MOV10L1: variants seen among roughly 807,000 people sequenced by gnomAD.
MOV10L1 encodes RNA helicase Mov10l1.
In MOV10L1, 110 loss-of-function variants were observed where a neutral mutation model predicts 143.8. The ratio of observed to expected loss-of-function variants is 0.76; its 90% CI spans 0.66 to 0.90. MOV10L1 has a LOEUF of 0.90. Ranked by LOEUF, MOV10L1 falls within the 40% of genes least tolerant of loss-of-function variation. The pLI is 0.00. For synonymous variants in MOV10L1, 593 were observed against 581.1 expected (o/e 1.02, Z -0.29); for missense variants, 1,406 against 1,526.8 (o/e 0.92, Z 1.32).
rs771548720 is a variant in MOV10L1 at position 50,161,400 on chromosome 22, C to T, written c.3587C>T (p.Pro1196Leu). The T allele has an allele frequency of 1.2e-6, 2 of 1,601,628 alleles. No individual in the cohort carries two copies. The highest frequency in any genetic ancestry group is 3.4e-5 in the Admixed American group (2 of 58,406). Residue 1196 changes from proline to leucine, a missense_variant, in exon 27 of 27, where the codon CCA becomes CTA. By Grantham distance (98) the Pro-to-Leu change is moderately conservative (BLOSUM62 -3). This residue lies in a region of MOV10L1 where 1,233 missense variants were observed against 1,351.4 expected (regional missense o/e 0.91). Transcript: ENST00000262794. Reference sequence around the variant, plus strand: ...GAGGGGGTGGCAGACCCCTCCTACCCAGTGGTGCCAGAATCCACAGGACCA... The same window carrying T: ...GAGGGGGTGGCAGACCCCTCCTACCTAGTGGTGCCAGAATCCACAGGACCA... ...CGEGVADPSY[P>L]VVPESTGPEK...
chr22:50,105,359 C>T (rs2061842138), intron 3 of MOV10L1, among the ~76,000 whole-genome samples: 1 of 152,196 alleles, frequency 6.6e-6, no homozygotes, highest in Non-Finnish European at 1.5e-5. Context: ...CTCAGCGTCT[C>T]AGGGCCATTC....
rs781376625 is a variant in MOV10L1 at position 50,108,483 on chromosome 22, A to G, written c.556-174A>G. The G allele has an allele frequency of 1.4e-5, 11 of 772,754 alleles. No homozygotes were observed. The African/African-American group carries it at 1.5e-4, about 11-fold the overall frequency. The allele number at this position is 772,754 out of a possible 1,614,324, so 47.9% of individuals were successfully genotyped here. A position where few individuals can be genotyped will look rare whatever the true frequency, so the allele number is the denominator to read the frequency against. ...TCTGTAGCTTATGCAACAGTGCTAA[A>G]ATGTTCTAAGGAGAAAGGTGTGTTG... On this transcript the variant is annotated intron_variant, in intron 4 of 26. Coordinates refer to ENST00000262794, the MANE Select transcript of MOV10L1 (RefSeq NM_018995.3).
chr22:50,140,947 A>G (rs2062966514), intron 15 of MOV10L1, among the ~76,000 whole-genome samples: 2 of 152,248 alleles, frequency 1.3e-5, no homozygotes, highest in Non-Finnish European at 2.9e-5. Flanking sequence ...GAAGTTATTT[A>G]ACAAAGAATT....
At chr22:50,106,381 G>A (rs938025378) in intron 3 of MOV10L1, among the ~76,000 whole-genome samples, 5 of 141,346 alleles carry the variant, frequency 3.5e-5, no homozygotes, top group Non-Finnish European at 7.5e-5. Context: ...GCCCAGGCTG[G>A]TCTCAAACTC....
intron 19 of MOV10L1, among the ~76,000 whole-genome samples, chr22:50,148,316 G>A (rs1157012082): frequency 2.6e-5 from 4 of 152,234 alleles, no homozygotes; most frequent in Non-Finnish European, 4.4e-5. Context: ...GGAAGCCGGG[G>A]CACCTGTTCC....
Position 50,158,210 on chromosome 22 carries a change from C to CGCCCT in MOV10L1, c.3216+9_3216+13dup, listed in dbSNP as rs1569054588. 1 of 1,614,056 alleles carries CGCCCT rather than the reference C, an allele frequency of 6.2e-7. No homozygotes were observed. On this transcript the variant is annotated splice_donor_region_variant and intron_variant, in intron 23 of 26. Coordinates refer to ENST00000262794, the MANE Select transcript of MOV10L1 (RefSeq NM_018995.3). The surrounding 1 kb of genome is among the most constrained non-coding windows in gnomAD (Gnocchi z 5.0). ...CATCACGCCCTACCGGAAGCAGGTA[C>CGCCCT]GCCCTGCCCAGGCACGCCTGGTTCT...
At chr22:50,093,144 G>C (rs2062498090) in intron 2 of MOV10L1, 1 of 152,104 alleles carries the variant, frequency 6.6e-6, no homozygotes, top group South Asian at 2.1e-4. Context: ...CTCGTGATCT[G>C]CCCACCTCAG....
rs188712041 is a variant in MOV10L1 at position 50,102,489 on chromosome 22, G to C, written c.442+2887G>C. Among the ~76,000 whole-genome samples, 529 of 152,346 alleles carry C rather than the reference G, an allele frequency of 3.5e-3. 13 individuals carry two copies. Among genetic ancestry groups the C allele is most frequent in the Middle Eastern group, 6.8e-3 (2 of 294 alleles). ...TCATTTGCTTGTGGGAGAGTCAGAA[G>C]ATGCTGTTTCCTTCTTGACGTTAAT... On this transcript the variant is annotated intron_variant, in intron 3 of 26. Transcript: ENST00000262794.
Position 50,134,066 on chromosome 22 carries a change from G to GTAT in MOV10L1, c.1969+4_1969+6dup, listed in dbSNP as rs2062753419. On this transcript the variant is annotated splice_donor_variant, in intron 14 of 26. Transcript: ENST00000262794. LOFTEE classifies it high-confidence loss of function. ...CACGTCATCCACTTAGGTGTAAAAG[G>GTAT]TATTACTTTTATAGAATGATAGTGT... 1.2e-6 allele frequency: 2 copies of GTAT among 1,605,022 alleles called. No homozygotes were observed. The highest frequency in any genetic ancestry group is 3.5e-5 in the Admixed American group (2 of 57,888).
intron 10 of MOV10L1, among the ~76,000 whole-genome samples, 199 bp from the exon 11 acceptor site, chr22:50,125,193 G>A (rs1486185753): frequency 2.6e-5 from 4 of 152,222 alleles, no homozygotes; most frequent in Non-Finnish European, 5.9e-5. Context: ...CAAAGGCCAG[G>A]GAGTGTGCTG....
intron 13 of MOV10L1, 33 bp downstream of exon 13, chr22:50,128,540 C>CTTT (rs36022529): frequency 1.6e-3 from 764 of 487,048 alleles, no homozygotes; most frequent in African/African-American, 3.8e-3. Flanking sequence ...TTTCAAATGT[C>CTTT]TTTTTTTTTT....
intron 13 of MOV10L1, among the ~76,000 whole-genome samples, chr22:50,132,047 C>T (rs1283770943): frequency 2.6e-5 from 4 of 152,158 alleles, no homozygotes; most frequent in Non-Finnish European, 5.9e-5. Flanking sequence ...TGGGAGAGCT[C>T]TCTGTGCTCC....
chr22:50,104,429 G>C (rs1216787995), intron 3 of MOV10L1, among the ~76,000 whole-genome samples: 3 of 152,176 alleles, frequency 2.0e-5, no homozygotes, highest in African/African-American at 7.2e-5. Flanking sequence ...CTCCCTGCCT[G>C]GTGCCCTTTG....
intron 3 of MOV10L1, among the ~76,000 whole-genome samples, chr22:50,100,110 G>T (rs189393757): frequency 1.6e-3 from 239 of 152,144 alleles, no homozygotes; most frequent in Non-Finnish European, 2.9e-3. Context: ...TCCTGCCTCA[G>T]CCTCCTGAGT....
chr22:50,137,832 T>TA (rs1555887383), intron 15 of MOV10L1, among the ~76,000 whole-genome samples: 1 of 64,774 alleles, frequency 1.5e-5, no homozygotes, highest in African/African-American at 3.9e-5. Flanking sequence ...TATACATATT[T>TA]TATATATACA....
At chr22:50,123,845 A>C in intron 10 of MOV10L1, among the ~76,000 whole-genome samples, 1 of 152,316 alleles carries the variant, frequency 6.6e-6, no homozygotes, top group East Asian at 1.9e-4. Flanking sequence ...TAATTGGTCT[A>C]TTCAGATTTT....
chr22:50,148,389 G>C (rs927168684), intron 19 of MOV10L1, among the ~76,000 whole-genome samples: 1 of 152,158 alleles, frequency 6.6e-6, no homozygotes, highest in Non-Finnish European at 1.5e-5. Flanking sequence ...TGTGCCGAGC[G>C]AGCTCCTGCT....
At chr22:50,154,016 A>G (rs200000204) in intron 22 of MOV10L1, among the ~76,000 whole-genome samples, 3 of 152,210 alleles carry the variant, frequency 2.0e-5, no homozygotes, top group Non-Finnish European at 4.4e-5. Context: ...AGTGGCCCCC[A>G]GTTGCTCTTC....
Position 50,115,273 on chromosome 22 carries a change from C to T in MOV10L1, c.1259+27C>T, listed in dbSNP as rs188458178. On this transcript the variant is annotated intron_variant, in intron 8 of 26. Transcript: ENST00000262794. ...TAAGGGCCTGGAGGTCTGGGGAGAG[C>T]CGCGTTTTTAAGTTTCTCTGATACT... is the stretch of plus-strand genomic sequence containing the variant. 5.1e-3 allele frequency: 7,523 copies of T among 1,467,332 alleles called. 24 individuals are homozygous for T. The highest frequency in any genetic ancestry group is 5.8e-3 in the Non-Finnish European group (6,480 of 1,114,742). The allele number at this position is 1,467,332 out of a possible 1,614,324, so 90.9% of individuals were successfully genotyped here. A position where few individuals can be genotyped will look rare whatever the true frequency, so the allele number is the denominator to read the frequency against.
Sources: allele counts gnomAD v4.1 joint callset (sites outside exome capture counted in the v4.1 genomes callset), GRCh38; gene constraint gnomAD v4.1.1; regional missense constraint gnomAD v4.1.1; non-coding constraint Gnocchi (gnomAD v3.1); transcripts MANE v1.5; gene names NCBI Gene and HGNC (gene_info 2026-07-23, HGNC 2026-07-21).